The following CAMKMT variants were observed in gnomAD, a reference collection of about 807,000 sequenced individuals.
CAMKMT encodes the protein calmodulin-lysine N-methyltransferase.
Under a neutral mutation model 48.0 loss-of-function variants are expected in CAMKMT, and 53 were observed. The observed-to-expected ratio is 1.10, with a 90% confidence interval of 0.89 to 1.39. CAMKMT has a LOEUF of 1.39. CAMKMT is among the 40% of genes most tolerant of loss of function. The pLI is 0.00. For synonymous variants in CAMKMT, 165 were observed against 152.3 expected, an observed-to-expected ratio of 1.08 and a Z score of -0.61; for missense variants, 428 against 402.7, an observed-to-expected ratio of 1.06 and a Z score of -0.54.
In CAMKMT at chr2:44,372,757, A is replaced by G. The variant is rs1234867375; in HGVS notation, c.180A>G (p.Val60=). The G allele has an allele frequency of 2.5e-6, 4 of 1,613,460 alleles. No homozygotes were observed. The highest frequency in any genetic ancestry group is 2.7e-5 in the African/African-American group (2 of 74,888). The change falls in exon 2 of 11, where the codon GTA becomes GTG. Residue 60 remains valine (V), a synonymous_variant. Transcript: ENST00000378494. ...ACCTGGATGATTGCCTGCGACATGT[A>G]TCTGTAAGAAGATTTGAATCATTTA... ...QKHLDDCLRH[V]SVRRFESFNL... is the part of the protein sequence containing the mutation.
intron 3 of CAMKMT, among the ~76,000 whole-genome samples, chr2:44,603,010 A>G (rs193090173): frequency 5.3e-5 from 8 of 152,182 alleles, no homozygotes; most frequent in Non-Finnish European, 1.0e-4. Context: ...ACCAGAGTTC[A>G]GTATGTGCTT....
At chr2:44,654,728 T>G (rs1486303199) in intron 3 of CAMKMT, among the ~76,000 whole-genome samples, 3 of 152,218 alleles carry the variant, frequency 2.0e-5, no homozygotes, top group Non-Finnish European at 4.4e-5. Flanking sequence ...TTGGCCAGAT[T>G]GGTCTCAAAC....
At chr2:44,725,050 C>A (rs1233599060) in intron 7 of CAMKMT, among the ~76,000 whole-genome samples, 1 of 151,854 alleles carries the variant, frequency 6.6e-6, no homozygotes, top group Non-Finnish European at 1.5e-5. Context: ...CAAGACTATC[C>A]CAGCTGAGAA....
intron 3 of CAMKMT, among the ~76,000 whole-genome samples, chr2:44,595,986 G>A (rs1670630984): frequency 6.6e-6 from 1 of 151,822 alleles, no homozygotes; most frequent in African/African-American, 2.4e-5. Flanking sequence ...GGGCCTGATG[G>A]GAGGTGGGGG....
At chr2:44,691,492 A>T (rs1175776334) in intron 3 of CAMKMT, among the ~76,000 whole-genome samples, 2 of 152,214 alleles carry the variant, frequency 1.3e-5, no homozygotes, top group Non-Finnish European at 2.9e-5. Flanking sequence ...TTTTTAATCA[A>T]ATCACACCCA....
chr2:44,544,701 C>A (rs147351892), intron 3 of CAMKMT, among the ~76,000 whole-genome samples: 1 of 152,202 alleles, frequency 6.6e-6, no homozygotes, highest in Admixed American at 6.5e-5. Context: ...GCCAAGTAAT[C>A]TGTAGCACCT....
At chr2:44,733,001 C>T (rs1679164203) in intron 7 of CAMKMT, among the ~76,000 whole-genome samples, 1 of 152,142 alleles carries the variant, frequency 6.6e-6, no homozygotes, top group Non-Finnish European at 1.5e-5. Flanking sequence ...CTTTACCTAA[C>T]TCAAGGTTAC....
chr2:44,656,459 C>T (rs1026991407), intron 3 of CAMKMT, among the ~76,000 whole-genome samples: 1 of 151,992 alleles, frequency 6.6e-6, no homozygotes, highest in South Asian at 2.1e-4. Context: ...AACTCAGGTA[C>T]ATTACAGCTT....
chr2:44,676,909 C>G (rs1188143525), intron 3 of CAMKMT: 1 of 152,186 alleles, frequency 6.6e-6, no homozygotes, highest in Non-Finnish European at 1.5e-5. Flanking sequence ...AATTCACTAG[C>G]CTTCTTCCCT....
At chr2:44,500,580 CAA>C (rs1265851925) in intron 3 of CAMKMT, among the ~76,000 whole-genome samples, 2 of 151,666 alleles carry the variant, frequency 1.3e-5, no homozygotes, top group Non-Finnish European at 2.9e-5. Context: ...AAATTTGACC[CAA>C]GTTATTATAT....
At chr2:44,584,504 T>A (rs901126915) in intron 3 of CAMKMT, among the ~76,000 whole-genome samples, 14 of 152,216 alleles carry the variant, frequency 9.2e-5, no homozygotes, top group African/African-American at 3.4e-4. Context: ...AAATGCTTCC[T>A]AAGTTGTTGA....
intron 6 of CAMKMT, 39 bp downstream of exon 6, chr2:44,707,501 A>G (rs1338678763): frequency 6.4e-7 from 1 of 1,562,318 alleles, no homozygotes; most frequent in East Asian, 2.3e-5. Context: ...TGTTGTGCTC[A>G]TTCCTTTTTC....
rs570726722 is a variant in CAMKMT at position 44,469,474 on chromosome 2, T to C, written c.376+79169T>C. Reference sequence around the variant, plus strand: ...CTTTGTTTATAAATTTTAGAAACATTTTCTTGGATGATAATTCCACATTTG... The same window carrying C: ...CTTTGTTTATAAATTTTAGAAACATCTTCTTGGATGATAATTCCACATTTG... On this transcript the variant is annotated intron_variant, in intron 3 of 10. Coordinates refer to ENST00000378494, the MANE Select transcript of CAMKMT (RefSeq NM_024766.5). Among the ~76,000 whole-genome samples, 5 of 152,170 alleles carry C rather than the reference T, an allele frequency of 3.3e-5. No homozygotes were observed. In the South Asian group the frequency reaches 1.0e-3, roughly 32 times the overall value.
chr2:44,471,676 C>G (rs1668425761), intron 3 of CAMKMT, among the ~76,000 whole-genome samples: 3 of 152,258 alleles, frequency 2.0e-5, no homozygotes, highest in Admixed American at 1.3e-4. Context: ...TAAGCATTTA[C>G]TAGCTATGTG....
chr2:44,672,972 TACA>T (rs1442433674), intron 3 of CAMKMT, among the ~76,000 whole-genome samples: 2 of 152,332 alleles, frequency 1.3e-5, no homozygotes, highest in South Asian at 2.1e-4. Context: ...AATTTTCTCT[TACA>T]ACAACTTTAG....
chr2:44,647,730 C>G (rs1558768849), intron 3 of CAMKMT, among the ~76,000 whole-genome samples: 1 of 151,390 alleles, frequency 6.6e-6, no homozygotes, highest in Non-Finnish European at 1.5e-5. Flanking sequence ...ACGGTGAAAC[C>G]CCGTCTCTAC....
intron 3 of CAMKMT, among the ~76,000 whole-genome samples, chr2:44,637,699 C>G: frequency 6.6e-6 from 1 of 152,004 alleles, no homozygotes; most frequent in Non-Finnish European, 1.5e-5. Context: ...ATTAGTAATC[C>G]TAAACCCAGT....
rs1311963628 is a variant in CAMKMT at position 44,511,623 on chromosome 2, A to G, written c.376+121318A>G. Among the ~76,000 whole-genome samples, 6 of 152,156 alleles carry G rather than the reference A, an allele frequency of 3.9e-5. No individual in the cohort carries two copies. The East Asian group carries it at 7.7e-4, about 20-fold the overall frequency. ...CCTTTTTATGGCTGACTAGTATTTC[A>G]CGTCCTACATTCTTAATCGTTACAT... On this transcript the variant is annotated intron_variant, in intron 3 of 10. Transcript: ENST00000378494.
intron 8 of CAMKMT, among the ~76,000 whole-genome samples, chr2:44,749,931 G>A (rs1346315241): frequency 6.6e-6 from 1 of 152,202 alleles, no homozygotes; most frequent in Non-Finnish European, 1.5e-5. Flanking sequence ...CTGACCTGCA[G>A]CATTAGAAAT....
Sources: allele counts gnomAD v4.1 joint callset (sites outside exome capture counted in the v4.1 genomes callset), GRCh38; gene constraint gnomAD v4.1.1; transcripts MANE v1.5; gene names NCBI Gene and HGNC (gene_info 2026-07-23, HGNC 2026-07-21).